UNC13C: variants seen among roughly 807,000 people sequenced by gnomAD.
The protein encoded by UNC13C is unc-13 homolog C.
UNC13C carries 174 observed loss-of-function variants against 245.4 expected under a neutral mutation model. The observed-to-expected ratio is 0.71, with a 90% CI of 0.63 to 0.80. UNC13C has a LOEUF of 0.80. Among genes scored for constraint, UNC13C ranks in the 30% least tolerant of loss-of-function variants. The pLI, the probability that UNC13C is intolerant of heterozygous loss-of-function variation, is 0.00. For synonymous variants in UNC13C, 992 were observed against 895.1 expected (o/e 1.11, Z -1.93); for missense variants, 2,829 against 2,602.9 (o/e 1.09, Z -1.89).
At chr15:54,258,221 T>A (rs1160901006) in intron 8 of UNC13C, among the ~76,000 whole-genome samples, 1 of 152,178 alleles carries the variant, frequency 6.6e-6, no homozygotes, top group Non-Finnish European at 1.5e-5. Flanking sequence ...CTTTTATCTT[T>A]AAGCCCTTCC....
rs114694515 is a variant in UNC13C, at chr15:54,398,410, A to G, written c.4847+5229A>G. Among the ~76,000 whole-genome samples the G allele has an allele frequency of 8.9e-3, 1,342 of 151,172 alleles. 26 individuals are homozygous for G. Among genetic ancestry groups the G allele is most frequent in the African/African-American group, 0.031 (1,274 of 41,414 alleles). On this transcript the variant is annotated intron_variant, in intron 18 of 32. Transcript: ENST00000260323. ...TATGAGGATATTGCTCTATGGTTTT[A>G]TTTTCTTATAGTGCCTTTTTCTGTC...
the UNC13C span, among the ~76,000 whole-genome samples, chr15:53,964,826 T>C: frequency 6.6e-6 from 1 of 152,248 alleles, no homozygotes; most frequent in Middle Eastern, 3.4e-3. Context: ...TTTTGGCACT[T>C]TGGAGGATCT....
intron 4 of UNC13C, among the ~76,000 whole-genome samples, chr15:54,219,963 T>C (rs1457820988): frequency 6.7e-6 from 1 of 149,490 alleles, no homozygotes; most frequent in African/African-American, 2.5e-5. Flanking sequence ...CTGGAGAGGA[T>C]GTGGAGAAAT....
chr15:54,204,241 A>G (rs1163668875), intron 4 of UNC13C, among the ~76,000 whole-genome samples: 1 of 149,474 alleles, frequency 6.7e-6, no homozygotes, highest in Non-Finnish European at 1.5e-5. Context: ...TCACGAAAGA[A>G]CTTATTCATG....
At chr15:54,464,348 T>G (rs1892051800) in intron 19 of UNC13C, among the ~76,000 whole-genome samples, 1 of 152,184 alleles carries the variant, frequency 6.6e-6, no homozygotes, top group African/African-American at 2.4e-5. Context: ...CTTCCTGGAA[T>G]AGAGAAAACT....
intron 7 of UNC13C, among the ~76,000 whole-genome samples, chr15:54,240,233 T>A (rs2035815165): frequency 6.6e-6 from 1 of 152,176 alleles, no homozygotes; most frequent in Admixed American, 6.5e-5. Context: ...GTAAAGCCCA[T>A]TTCCCTGGGA....
At chr15:54,358,665 C>T (rs1489834712) in intron 17 of UNC13C, among the ~76,000 whole-genome samples, 2 of 151,986 alleles carry the variant, frequency 1.3e-5, no homozygotes, top group African/African-American at 4.8e-5. Context: ...ATTTTGTATG[C>T]TGCGGCTTTA....
intron 7 of UNC13C, among the ~76,000 whole-genome samples, chr15:54,240,404 C>G (rs2035820254): frequency 6.6e-6 from 1 of 152,148 alleles, no homozygotes; most frequent in Admixed American, 6.5e-5. Context: ...TCTAGGCACA[C>G]TTGATACAAA....
At chr15:53,876,645 C>CT in the UNC13C span, among the ~76,000 whole-genome samples, 3 of 151,890 alleles carry the variant, frequency 2.0e-5, no homozygotes, top group African/African-American at 4.8e-5. Context: ...GTTTTTACTA[C>CT]TTTTTTTTGA....
At chr15:54,034,999 T>A (rs919728439) in intron 2 of UNC13C, among the ~76,000 whole-genome samples, 1 of 152,230 alleles carries the variant, frequency 6.6e-6, no homozygotes, top group Admixed American at 6.5e-5. Flanking sequence ...CCAGAAGATA[T>A]AAACTAGTAC....
At chr15:54,281,346 G>GATTTATT (rs1490401042) in intron 10 of UNC13C, among the ~76,000 whole-genome samples, 2 of 152,138 alleles carry the variant, frequency 1.3e-5, no homozygotes, top group Non-Finnish European at 2.9e-5. Flanking sequence ...TTGTGTTTAA[G>GATTTATT]ATTTATTATC....
At chr15:54,111,085 G>A (rs1900746106) in intron 2 of UNC13C, among the ~76,000 whole-genome samples, 1 of 152,122 alleles carries the variant, frequency 6.6e-6, no homozygotes, top group Non-Finnish European at 1.5e-5. Flanking sequence ...CTTCTTCCCT[G>A]ACTTTATACC....
At chr15:54,563,877 A>C (rs563111613) in intron 29 of UNC13C, among the ~76,000 whole-genome samples, 1 of 151,972 alleles carries the variant, frequency 6.6e-6, no homozygotes, top group African/African-American at 2.4e-5. Flanking sequence ...TGAATGTAAA[A>C]TCTCTGAATG....
At chr15:54,428,987 A>G (rs1218400687) in intron 19 of UNC13C, among the ~76,000 whole-genome samples, 1 of 151,636 alleles carries the variant, frequency 6.6e-6, no homozygotes, top group Non-Finnish European at 1.5e-5. Flanking sequence ...CATATATTGT[A>G]TAATTCCTTA....
At chr15:54,558,095 A>G (rs917966326) in intron 29 of UNC13C, among the ~76,000 whole-genome samples, 3 of 151,856 alleles carry the variant, frequency 2.0e-5, no homozygotes, top group Non-Finnish European at 4.4e-5. Context: ...CGCTCTGGGG[A>G]CTGTTGTGGG....
intron 10 of UNC13C, among the ~76,000 whole-genome samples, chr15:54,286,198 G>A (rs1346935022): frequency 1.3e-5 from 2 of 152,082 alleles, no homozygotes; most frequent in Non-Finnish European, 2.9e-5. Flanking sequence ...TATTTTATCA[G>A]TATATCTTTT....
intron 19 of UNC13C, among the ~76,000 whole-genome samples, chr15:54,434,822 T>G (rs1243922971): frequency 2.6e-5 from 4 of 152,140 alleles, no homozygotes; most frequent in Non-Finnish European, 5.9e-5. Flanking sequence ...AGAAATTTTT[T>G]GCAATCTATC....
intron 2 of UNC13C, among the ~76,000 whole-genome samples, chr15:54,090,347 G>C (rs187419347): frequency 6.6e-6 from 1 of 151,824 alleles, no homozygotes; most frequent in Non-Finnish European, 1.5e-5. Flanking sequence ...GGGACAAGAA[G>C]TCTTCTCTAT....
At chr15:54,450,810 T>G (rs1891132059) in intron 19 of UNC13C, among the ~76,000 whole-genome samples, 2 of 152,180 alleles carry the variant, frequency 1.3e-5, no homozygotes, top group Non-Finnish European at 1.5e-5. Flanking sequence ...CCTAGTGAGA[T>G]GAACCCAGTA....
Sources: allele counts gnomAD v4.1 joint callset (sites outside exome capture counted in the v4.1 genomes callset), GRCh38; gene constraint gnomAD v4.1.1; transcripts MANE v1.5; gene names NCBI Gene and HGNC (gene_info 2026-07-23, HGNC 2026-07-21).